DNAH7: variants seen among roughly 807,000 people sequenced by gnomAD.
The protein encoded by DNAH7 is dynein axonemal heavy chain 7.
A neutral mutation model predicts 444.6 loss-of-function variants in DNAH7; 397 were observed. The observed-to-expected ratio is 0.89, with a 90% confidence interval of 0.82 to 0.97. The LOEUF (loss-of-function observed/expected upper bound fraction) is 0.97. Among genes scored for constraint, DNAH7 ranks in the 50% least tolerant of loss-of-function variants. The pLI, the probability that DNAH7 is intolerant of heterozygous loss-of-function variation, is 0.00. For missense variants in DNAH7, 4,902 were observed against 4,800.8 expected, an observed-to-expected ratio of 1.02 and a Z score of -0.62; for synonymous variants, 1,636 against 1,624.4, an observed-to-expected ratio of 1.01 and a Z score of -0.17.
Position 195,806,350 on chromosome 2 carries a change from A to C in DNAH7, c.10176+390T>G, listed in dbSNP as rs892820516. Among the ~76,000 whole-genome samples, 8 of 152,300 alleles carry C rather than the reference A, an allele frequency of 5.3e-5. No homozygotes were observed. The East Asian group carries it at 1.5e-3, about 29-fold the overall frequency. ...TTCAAATTCCAACAAAAAACTATAT[A>C]TAAGGATAGCACTTGAGAAGTCCAC... On this transcript the variant is annotated intron_variant, in intron 54 of 64. Coordinates refer to ENST00000312428, the MANE Select transcript of DNAH7 (RefSeq NM_018897.3).
intron 40 of DNAH7, among the ~76,000 whole-genome samples, chr2:195,869,750 G>C (rs753062124): frequency 6.6e-6 from 1 of 152,128 alleles, no homozygotes; most frequent in Non-Finnish European, 1.5e-5. Context: ...AGCCTGAGGG[G>C]AACAGGCTAA....
rs547206980 is a variant in DNAH7, at chr2:195,902,698, T to A, written c.4336-2204A>T. 1.1e-4 allele frequency: 16 copies of A among 152,252 alleles called. No homozygotes were observed. The East Asian group carries it at 3.1e-3, about 29-fold the overall frequency. The allele number at this position is 152,252 out of a possible 1,614,324, so 9.4% of individuals were successfully genotyped here. The stretch of plus-strand genomic sequence containing the variant: ...ATGAAGCAGACATATTTCTGACTAG[T>A]AGAACAAAAAATAAAGTGAGGTAAA... On this transcript the variant is annotated intron_variant, in intron 27 of 64. Coordinates refer to ENST00000312428, the MANE Select transcript of DNAH7 (RefSeq NM_018897.3).
At chr2:195,932,424 T>G (rs1688760993) in intron 21 of DNAH7, among the ~76,000 whole-genome samples, 1 of 152,172 alleles carries the variant, frequency 6.6e-6, no homozygotes, top group South Asian at 2.1e-4. Flanking sequence ...TTATGCCTGA[T>G]TGCCCTGGCC....
At chr2:195,942,439 G>A (rs957985346) in intron 19 of DNAH7, among the ~76,000 whole-genome samples, 4 of 151,632 alleles carry the variant, frequency 2.6e-5, no homozygotes, top group African/African-American at 9.7e-5. Flanking sequence ...AGAAGATGAA[G>A]AGGAGGAAGA....
intron 19 of DNAH7, among the ~76,000 whole-genome samples, chr2:195,938,455 T>A (rs1011278061): frequency 4.0e-5 from 6 of 151,238 alleles, no homozygotes; most frequent in African/African-American, 1.5e-4. Context: ...GTTCTTAGAG[T>A]GCCACCTTCT....
Position 196,031,376 on chromosome 2 carries a change from C to T in DNAH7, c.399-3329G>A, listed in dbSNP as rs184864870. ...CTGGGCCTGTGATGGGAGGGGCTGC[C>T]GTGAAGACCTCTGACATGCCCTGGA... is the stretch of plus-strand genomic sequence containing the variant. On this transcript the variant is annotated intron_variant, in intron 5 of 64. Coordinates refer to ENST00000312428, the MANE Select transcript of DNAH7 (RefSeq NM_018897.3). 3.2e-3 allele frequency among the ~76,000 whole-genome samples: 487 copies of T among 152,306 alleles called. 6 individuals carry two copies. The highest frequency in any genetic ancestry group is 0.011 in the African/African-American group (458 of 41,568).
chr2:195,923,852 A>G, intron 22 of DNAH7, 45 bp from the exon 23 acceptor site: 2 of 1,555,078 alleles, frequency 1.3e-6, no homozygotes, highest in South Asian at 1.1e-5. Flanking sequence ...TGTGATCAAA[A>G]TTATTTTGAA....
chr2:195,791,428 A>C (rs1392713354), intron 57 of DNAH7, among the ~76,000 whole-genome samples: 6 of 151,946 alleles, frequency 3.9e-5, no homozygotes, highest in Non-Finnish European at 8.8e-5. Flanking sequence ...GAGGCTGCAG[A>C]GAAAAGGGAA....
intron 24 of DNAH7, among the ~76,000 whole-genome samples, chr2:195,911,175 C>T (rs543517643): frequency 6.6e-6 from 1 of 152,098 alleles, no homozygotes; most frequent in Admixed American, 6.5e-5. Context: ...ATATAAATGG[C>T]GTCCTACTCT....
chr2:195,968,002 C>T (rs1691596592), intron 17 of DNAH7, among the ~76,000 whole-genome samples: 1 of 152,222 alleles, frequency 6.6e-6, no homozygotes, highest in Non-Finnish European at 1.5e-5. Flanking sequence ...ACCACTGGCC[C>T]ATGGGCAGTT....
At chr2:195,753,643 A>C (rs1559072815) in intron 63 of DNAH7, among the ~76,000 whole-genome samples, 2 of 152,238 alleles carry the variant, frequency 1.3e-5, no homozygotes. Flanking sequence ...ATTTATATAA[A>C]GACAATTTTG....
In DNAH7 at chr2:195,895,014, G is replaced by A. The variant is rs142469040; in HGVS notation, c.4858C>T (p.Arg1620Cys). ...EPFGGKTSAY[R>C]VLAGALNDIC... ...TCATTTAGTGCTCCAGCTAAGACAC[G>A]ATATGCACTAGTTTTTCCTCCAAAT... The change falls in exon 30 of 65, where the codon CGT becomes TGT. Residue 1620 changes from arginine to cysteine, a missense_variant. Coordinates refer to ENST00000312428, the MANE Select transcript of DNAH7 (RefSeq NM_018897.3). The A allele has an allele frequency of 7.4e-6, 12 of 1,611,628 alleles. No homozygotes were observed. The highest frequency in any genetic ancestry group is 4.5e-5 in the East Asian group (2 of 44,760).
chr2:196,059,860 A>T (rs1698037601), intron 1 of DNAH7, among the ~76,000 whole-genome samples: 1 of 152,172 alleles, frequency 6.6e-6, no homozygotes, highest in Non-Finnish European at 1.5e-5. Flanking sequence ...GCTTTGGGGA[A>T]GGGATGGCTC....
chr2:195,926,580 A>T lies in DNAH7; in HGVS notation c.3472-14T>A. 1 of 1,572,506 alleles carries T rather than the reference A, an allele frequency of 6.4e-7. No homozygotes were observed. The highest frequency in any genetic ancestry group is 8.6e-7 in the Non-Finnish European group (1 of 1,163,018). The stretch of plus-strand genomic sequence containing the variant: ...ATCTCCAGTTACCTAATCAAAAAAG[A>T]ATATGCTAAATATTAACCATTTCCT... On this transcript the variant is annotated splice_polypyrimidine_tract_variant and intron_variant, in intron 21 of 64. Coordinates refer to ENST00000312428, the MANE Select transcript of DNAH7 (RefSeq NM_018897.3).
chr2:195,868,590 G>A (rs1700490500), intron 40 of DNAH7, among the ~76,000 whole-genome samples: 1 of 148,486 alleles, frequency 6.7e-6, no homozygotes, highest in South Asian at 2.2e-4. Context: ...TTTATGTATT[G>A]TGGATACTAG....
intron 24 of DNAH7, among the ~76,000 whole-genome samples, chr2:195,917,808 C>T (rs1687779814): frequency 6.6e-6 from 1 of 152,162 alleles, no homozygotes; most frequent in Admixed American, 6.5e-5. Flanking sequence ...GTGTGCACCA[C>T]CATACTTGAC....
At chr2:196,042,252 C>T (rs888539281) in intron 5 of DNAH7, among the ~76,000 whole-genome samples, 5 of 151,348 alleles carry the variant, frequency 3.3e-5, no homozygotes, top group South Asian at 2.1e-4. Context: ...TGTATATATT[C>T]GAAATAAAGA....
At chr2:196,035,190 A>C (rs1575071711) in intron 5 of DNAH7, among the ~76,000 whole-genome samples, 1 of 152,164 alleles carries the variant, frequency 6.6e-6, no homozygotes, top group African/African-American at 2.4e-5. Flanking sequence ...TCAAAAAAAA[A>C]CCTATAAGAC....
At chr2:195,811,784 A>C (rs1314256664) in intron 51 of DNAH7, among the ~76,000 whole-genome samples, 1 of 152,214 alleles carries the variant, frequency 6.6e-6, no homozygotes, top group Non-Finnish European at 1.5e-5. Flanking sequence ...AAGAAAAAAA[A>C]AACTGTGTGC....
Sources: gnomAD v4.1 joint callset for allele counts (sites outside exome capture counted in the v4.1 genomes callset) on GRCh38, gnomAD v4.1.1 for gene constraint, MANE v1.5 for transcripts, NCBI Gene and HGNC (gene_info 2026-07-23, HGNC 2026-07-21) for gene names.